Variants in PPP1R10 observed in about 807,000 individuals in gnomAD.
PPP1R10 encodes protein phosphatase 1 regulatory subunit 10.
Under a neutral mutation model 99.0 loss-of-function variants are expected in PPP1R10, and 15 were observed. The ratio of observed to expected loss-of-function variants is 0.15; its 90% CI spans 0.10 to 0.23. The LOEUF (loss-of-function observed/expected upper bound fraction) is 0.23, where lower values mean the gene tolerates loss of function less well. Among genes scored for constraint, PPP1R10 ranks in the 10% least tolerant of loss-of-function variants. The pLI, the probability that PPP1R10 is intolerant of heterozygous loss-of-function variation, is 1.00. For synonymous variants in PPP1R10, 430 were observed against 449.5 expected (o/e 0.96, Z 0.55); for missense variants, 947 against 1,259.4 (o/e 0.75, Z 3.75).
Position 30,603,624 on chromosome 6 carries a change from G to T in PPP1R10, c.1615C>A (p.Pro539Thr), listed in dbSNP as rs1429245020. Residue 539 changes from proline to threonine, a missense_variant, in exon 16 of 20, where the codon CCT (proline) becomes ACT (threonine). Around this residue, in one of 10 missense-constraint regions of PPP1R10, gnomAD observed 525 missense variants for 578.8 expected, o/e 0.91. Coordinates refer to ENST00000376511, the MANE Select transcript of PPP1R10 (RefSeq NM_002714.4). Reference protein sequence around the residue: ...DETPYVETLEPGGSGGSPDGA... With the variant: ...DETPYVETLETGGSGGSPDGA... Reference sequence around the variant, plus strand: ...TCAGGTGAGCCACCTGACCCCCCAGGTTCCAGAGTCTCAACATACGGAGTC... The same window carrying T: ...TCAGGTGAGCCACCTGACCCCCCAGTTTCCAGAGTCTCAACATACGGAGTC... 4 of 1,612,952 alleles carry T rather than the reference G, an allele frequency of 2.5e-6. No individual in the cohort carries two copies. The South Asian group carries it at 3.3e-5, about 13-fold the overall frequency.
rs537471889 is a variant in PPP1R10 at position 30,600,561 on chromosome 6, G to A, written c.*988C>T. 6.5e-6 allele frequency: 1 copy of A among 152,744 alleles called. No homozygotes were observed. Among genetic ancestry groups the A allele is most frequent in the African/African-American group, 2.4e-5 (1 of 41,566 alleles). The allele number at this position is 152,744 out of a possible 1,614,324, so 9.5% of individuals were successfully genotyped here. A position where few individuals can be genotyped will look rare whatever the true frequency, so the allele number is the denominator to read the frequency against. On this transcript the variant is annotated 3_prime_UTR_variant, in exon 20 of 20. Coordinates refer to ENST00000376511, the MANE Select transcript of PPP1R10 (RefSeq NM_002714.4). Reference sequence around the variant, plus strand: ...TTCATAGAAAACAACTGATGCCAAAGTGAAGGAGAGAACTGGGAAAGGGCA... The same window carrying A: ...TTCATAGAAAACAACTGATGCCAAAATGAAGGAGAGAACTGGGAAAGGGCA...
Position 30,602,157 on chromosome 6 carries a change from G to A in PPP1R10, c.2492C>T (p.Pro831Leu). 6.2e-7 allele frequency: 1 copy of A among 1,610,340 alleles called. No homozygotes were observed. Among genetic ancestry groups the A allele is most frequent in the Admixed American group, 1.7e-5 (1 of 59,684 alleles). The change falls in exon 19 of 20, where the codon CCC becomes CTC. Residue 831 changes from proline (P) to leucine (L), a missense_variant. Pro to Leu is a moderately conservative substitution (Grantham distance 98, BLOSUM62 -3). Transcript: ENST00000376511. This position sits in a 1 kb window ranked among gnomAD's most constrained non-coding sequence, Gnocchi z 6.7. ...CATGCTTCCGCCAGGGCCTTCGTGGGGGCGATGTCCACCACCGGCACCCAT... is the reference window on the plus strand; with the variant it reads ...CATGCTTCCGCCAGGGCCTTCGTGGAGGCGATGTCCACCACCGGCACCCAT... ...GGMGAGGGHRPHEGPGGSMGG... is the reference protein window; with the variant it reads ...GGMGAGGGHRLHEGPGGSMGG...
rs1472011102 is a variant in PPP1R10, at chr6:30,612,779, G to A, written c.-11-2824C>T. 2.0e-5 allele frequency among the ~76,000 whole-genome samples: 3 copies of A among 152,122 alleles called. 1 individual carries two copies. Among genetic ancestry groups the A allele is most frequent in the Admixed American group, 1.3e-4 (2 of 15,248 alleles). ...AAACAATTTCCAAGGCGCTCAAGTG[G>A]AAAGGAATGTAAAGTCCAACATTTC... On this transcript the variant is annotated intron_variant, in intron 2 of 19. Coordinates refer to ENST00000376511, the MANE Select transcript of PPP1R10 (RefSeq NM_002714.4).
chr6:30,603,378 G>T, intron 16 of PPP1R10, 93 bp from the exon 17 acceptor site: 1 of 1,576,764 alleles, frequency 6.3e-7, no homozygotes, highest in Non-Finnish European at 8.7e-7. Context: ...GTGGGTAGAT[G>T]TGGAGAACTG....
chr6:30,615,698 C>T (rs1331259631), intron 2 of PPP1R10, among the ~76,000 whole-genome samples: 1 of 152,168 alleles, frequency 6.6e-6, no homozygotes, highest in Non-Finnish European at 1.5e-5. Context: ...GTACCTCCCC[C>T]ACCAAAAAAT....
At chr6:30,612,373 G>A (rs1804648472) in intron 2 of PPP1R10, among the ~76,000 whole-genome samples, 1 of 152,152 alleles carries the variant, frequency 6.6e-6, no homozygotes, top group Non-Finnish European at 1.5e-5. Flanking sequence ...TTAAGAGGAT[G>A]GGAGACAAGA....
At chr6:30,603,150 TC>T in intron 17 of PPP1R10, 59 bp downstream of exon 17, 1 of 1,539,530 alleles carries the variant, frequency 6.5e-7, no homozygotes. Flanking sequence ...AAACCCTGCT[TC>T]CCCCAACTCC....
In PPP1R10 at chr6:30,604,648, C is replaced by G; in HGVS notation, c.1042G>C (p.Asp348His). 6.2e-7 allele frequency: 1 copy of G among 1,613,144 alleles called. No individual in the cohort carries two copies. Residue 348 changes from aspartate to histidine, a missense_variant, in exon 12 of 20, where the codon GAC becomes CAC. By Grantham distance (81) the Asp-to-His change is moderately conservative (BLOSUM62 -1). This residue lies in a region of PPP1R10 where 100 missense variants were observed against 105.8 expected (regional missense o/e 0.94). Transcript: ENST00000376511. This position sits in a 1 kb window ranked among gnomAD's most constrained non-coding sequence, Gnocchi z 7.3. ...ACCGGGGTGCCTGGACGGTCTGCGT[C>G]CATTGCCTCAGAAGGTGGTGCTGGT... is the stretch of plus-strand genomic sequence containing the variant. ...PEPAPPSEAM[D>H]ADRPGTPVPP...
chr6:30,614,258 G>C (rs1804851174), intron 2 of PPP1R10, among the ~76,000 whole-genome samples: 1 of 150,916 alleles, frequency 6.6e-6, no homozygotes, highest in South Asian at 2.1e-4. Flanking sequence ...ATTTCTTTTA[G>C]AAGGGAAGGA....
chr6:30,605,716 C>T (rs867837109), intron 10 of PPP1R10: 6 of 553,232 alleles, frequency 1.1e-5, no homozygotes, highest in South Asian at 2.2e-5. Flanking sequence ...AAAAATTAGC[C>T]GGGCGTGGTG....
chr6:30,605,696 T>G, intron 10 of PPP1R10: 1 of 510,146 alleles, frequency 2.0e-6, no homozygotes, highest in Non-Finnish European at 3.5e-6. Flanking sequence ...CCATCTCTAC[T>G]AAAAATACAA....
chr6:30,602,381 G>A lies in PPP1R10; in HGVS notation c.2268C>T (p.Gly756=), dbSNP rs1803436331. The part of the protein sequence containing the change: ...VGGGGHRPHE[G]PGGGMGNSSG... ...TGCTGTTGCCCATGCCCCCACCAGG[G>A]CCTTCGTGAGGACGATGCCCACCAC... Residue 756 remains glycine, a synonymous_variant, in exon 19 of 20, where the codon GGC becomes GGT. Coordinates refer to ENST00000376511, the MANE Select transcript of PPP1R10 (RefSeq NM_002714.4). The surrounding 1 kb of genome is among the most constrained non-coding windows in gnomAD (Gnocchi z 6.7). The A allele has an allele frequency of 1.2e-6, 2 of 1,612,780 alleles. No individual in the cohort carries two copies. The highest frequency in any genetic ancestry group is 8.5e-7 in the Non-Finnish European group (1 of 1,179,882).
Position 30,609,821 on chromosome 6 carries a change from A to C in PPP1R10, c.107+17T>G. 1 of 1,592,714 alleles carries C rather than the reference A, an allele frequency of 6.3e-7. No individual in the cohort carries two copies. The highest frequency in any genetic ancestry group is 8.6e-7 in the Non-Finnish European group (1 of 1,160,540). ...ATTCTCTACTCACAGTGAATACAAAAAGGGGTAAAGACTCACCTGAAGATC... is the reference window on the plus strand; with the variant it reads ...ATTCTCTACTCACAGTGAATACAAACAGGGGTAAAGACTCACCTGAAGATC... On this transcript the variant is annotated intron_variant, in intron 3 of 19. Coordinates refer to ENST00000376511, the MANE Select transcript of PPP1R10 (RefSeq NM_002714.4). The surrounding 1 kb of genome is among the most constrained non-coding windows in gnomAD (Gnocchi z 4.5).
intron 2 of PPP1R10, among the ~76,000 whole-genome samples, chr6:30,615,886 AAT>A (rs1760457449): frequency 6.6e-6 from 1 of 152,170 alleles, no homozygotes; most frequent in African/African-American, 2.4e-5. Context: ...TAACCACACA[AAT>A]ATACCCCAAG....
At chr6:30,613,602 A>C (rs899438234) in intron 2 of PPP1R10, among the ~76,000 whole-genome samples, 3 of 152,122 alleles carry the variant, frequency 2.0e-5, no homozygotes, top group Non-Finnish European at 2.9e-5. Flanking sequence ...CCTTCCAATA[A>C]AGATGCAAAA....
intron 2 of PPP1R10, among the ~76,000 whole-genome samples, chr6:30,613,712 T>TC (rs1198468676): frequency 6.6e-6 from 1 of 152,186 alleles, no homozygotes; most frequent in Non-Finnish European, 1.5e-5. Flanking sequence ...TGGATGTGGT[T>TC]CCCCTAGTAG....
At position 30,606,320 on chromosome 6, in the gene PPP1R10, A is replaced by C; in HGVS notation, c.635-77T>G. The C allele has an allele frequency of 6.3e-7, 1 of 1,577,662 alleles. No homozygotes were observed. Among genetic ancestry groups the C allele is most frequent in the South Asian group, 1.1e-5 (1 of 89,060 alleles). On this transcript the variant is annotated intron_variant, in intron 8 of 19. Coordinates refer to ENST00000376511, the MANE Select transcript of PPP1R10 (RefSeq NM_002714.4). The surrounding 1 kb of genome is among the most constrained non-coding windows in gnomAD (Gnocchi z 6.3). ...AATTTTCCTCCCGTTCTCACCCGCA[A>C]ATGTTCTTCTAGCCTTGTAACCAAA...
Position 30,609,769 on chromosome 6 carries a change from A to C in PPP1R10, c.107+69T>G. The stretch of plus-strand genomic sequence containing the variant: ...TTCCAGGATCATTCCAGTGTGCCTC[A>C]ACTGCAGCCATGTTTTAACACACAA... On this transcript the variant is annotated intron_variant, in intron 3 of 19. Transcript: ENST00000376511. The surrounding 1 kb of genome is among the most constrained non-coding windows in gnomAD (Gnocchi z 4.5). 7.4e-7 allele frequency: 1 copy of C among 1,353,578 alleles called. No individual in the cohort carries two copies. Among genetic ancestry groups the C allele is most frequent in the Non-Finnish European group, 1.1e-6 (1 of 943,340 alleles). 83.8% of individuals were successfully genotyped at this position (1,353,578 alleles called of 1,614,324 possible).
chr6:30,615,133 G>C (rs1329847532), intron 2 of PPP1R10, among the ~76,000 whole-genome samples: 1 of 151,712 alleles, frequency 6.6e-6, no homozygotes, highest in Non-Finnish European at 1.5e-5. Context: ...AACAAAGACG[G>C]AGGGACGCCA....
Sources: allele counts gnomAD v4.1 joint callset (sites outside exome capture counted in the v4.1 genomes callset), GRCh38; gene constraint gnomAD v4.1.1; regional missense constraint gnomAD v4.1.1; non-coding constraint Gnocchi (gnomAD v3.1); transcripts MANE v1.5; gene names NCBI Gene and HGNC (gene_info 2026-07-23, HGNC 2026-07-21).